Variants in C9orf85 observed in about 807,000 individuals in gnomAD.
The protein encoded by C9orf85 is chromosome 9 open reading frame 85, also known as uncharacterized protein C9orf85.
C9orf85 carries 16 observed loss-of-function variants against 14.9 expected under a neutral mutation model. The ratio of observed to expected loss-of-function variants is 1.08; its 90% CI spans 0.73 to 1.63. C9orf85 has a LOEUF of 1.63. Ranked by LOEUF, C9orf85 falls within the 40% of genes most tolerant of loss-of-function variation. C9orf85 has a pLI of 0.00. For synonymous variants in C9orf85, 45 were observed against 56.8 expected (o/e 0.79, Z 0.93); for missense variants, 172 against 186.1 (o/e 0.92, Z 0.44).
intron 2 of C9orf85, 119 bp from the exon 3 acceptor site, chr9:71,971,386 A>C: frequency 2.0e-6 from 1 of 511,536 alleles, no homozygotes; most frequent in South Asian, 3.8e-5. Context: ...AACACCTGAA[A>C]TTGAAACCTA....
intron 1 of C9orf85, among the ~76,000 whole-genome samples, chr9:71,937,129 T>C (rs1289292411): frequency 6.6e-6 from 1 of 152,176 alleles, no homozygotes; most frequent in Non-Finnish European, 1.5e-5. Flanking sequence ...AAATATTTAT[T>C]TGTTAAAATA....
chr9:71,915,423 C>A (rs934618080), intron 1 of C9orf85, among the ~76,000 whole-genome samples: 1 of 151,934 alleles, frequency 6.6e-6, no homozygotes, highest in Non-Finnish European at 1.5e-5. Context: ...GCGATCTGCC[C>A]ACCTTGGCCT....
chr9:71,927,448 T>C (rs2132267456), intron 1 of C9orf85, among the ~76,000 whole-genome samples: 1 of 152,146 alleles, frequency 6.6e-6, no homozygotes, highest in African/African-American at 2.4e-5. Context: ...AAGAGGTAAA[T>C]CTTTTAGAAG....
At chr9:71,935,777 G>A (rs1828173298) in intron 1 of C9orf85, among the ~76,000 whole-genome samples, 1 of 152,168 alleles carries the variant, frequency 6.6e-6, no homozygotes, top group Non-Finnish European at 1.5e-5. Context: ...AGATTTGGAA[G>A]ATGAAAAGAG....
chr9:71,925,832 A>T (rs1200165183), intron 1 of C9orf85, among the ~76,000 whole-genome samples: 1 of 152,256 alleles, frequency 6.6e-6, no homozygotes, highest in Non-Finnish European at 1.5e-5. Context: ...TAAGATAACT[A>T]AAGATATGGA....
In C9orf85 at chr9:71,914,597, T is replaced by A. The variant is rs577722002; in HGVS notation, c.102+2761T>A. ...ATAATTACAGATGTTTTATTGGAAG[T>A]TAATATAGGTAAAGCACTCATTCTC... On this transcript the variant is annotated intron_variant, in intron 1 of 3. Coordinates refer to ENST00000334731, the MANE Select transcript of C9orf85 (RefSeq NM_182505.5). Among the ~76,000 whole-genome samples the A allele has an allele frequency of 3.8e-3, 582 of 152,288 alleles. 12 individuals are homozygous for A. The highest frequency in any genetic ancestry group is 1.5e-3 in the Non-Finnish European group (103 of 68,016).
chr9:71,912,015 A>T (rs750805817), intron 1 of C9orf85, 179 bp downstream of exon 1: 8 of 670,496 alleles, frequency 1.2e-5, no homozygotes, highest in Admixed American at 2.1e-5. Context: ...TGACCTGGAC[A>T]TGTTGTCTCC....
chr9:71,930,803 C>CAAAAAA (rs747596247), intron 1 of C9orf85, among the ~76,000 whole-genome samples: 2 of 61,014 alleles, frequency 3.3e-5, no homozygotes, highest in Non-Finnish European at 3.1e-5. Flanking sequence ...GACCCTGTCT[C>CAAAAAA]AAAAAAAAAA....
chr9:71,927,574 A>T (rs370685850), intron 1 of C9orf85, among the ~76,000 whole-genome samples: 4 of 152,328 alleles, frequency 2.6e-5, no homozygotes, highest in Middle Eastern at 3.4e-3. Flanking sequence ...AAGAAAAATC[A>T]GTATTGCCAT....
chr9:71,963,368 C>T (rs570081264), intron 2 of C9orf85, among the ~76,000 whole-genome samples: 1 of 152,024 alleles, frequency 6.6e-6, no homozygotes, highest in Non-Finnish European at 1.5e-5. Flanking sequence ...TGAGAGGTGA[C>T]GGCGTGCTGG....
At chr9:71,921,295 G>A (rs1403455391) in intron 1 of C9orf85, among the ~76,000 whole-genome samples, 2 of 152,122 alleles carry the variant, frequency 1.3e-5, no homozygotes, top group African/African-American at 4.8e-5. Context: ...ACATTCACTG[G>A]CTATTCTCTC....
chr9:71,968,436 T>A (rs1020613582), intron 2 of C9orf85, among the ~76,000 whole-genome samples: 3 of 151,530 alleles, frequency 2.0e-5, no homozygotes, highest in South Asian at 2.1e-4. Flanking sequence ...AAAAAAAAAA[T>A]TAGGAGAGTT....
intron 1 of C9orf85, among the ~76,000 whole-genome samples, chr9:71,919,511 T>C (rs1186183067): frequency 6.6e-6 from 1 of 152,250 alleles, no homozygotes; most frequent in Non-Finnish European, 1.5e-5. Flanking sequence ...TATTCTTTGA[T>C]ATGTTTCCCA....
rs1168060197 is a variant in C9orf85 at position 71,973,321 on chromosome 9, AAAC to A, written c.*482_*484del. 2 of 152,312 alleles carry A rather than the reference AAAC, an allele frequency of 1.3e-5. No individual in the cohort carries two copies. The highest frequency in any genetic ancestry group is 4.8e-5 in the African/African-American group (2 of 41,570). The allele number at this position is 152,312 out of a possible 1,614,324, so 9.4% of individuals were successfully genotyped here. A position where few individuals can be genotyped will look rare whatever the true frequency, so the allele number is the denominator to read the frequency against. On this transcript the variant is annotated 3_prime_UTR_variant, in exon 4 of 4. Coordinates refer to ENST00000334731, the MANE Select transcript of C9orf85 (RefSeq NM_182505.5). ...TGTGTATATTACTTAACATCAAACTAAACAAGATTCAGAATTGATGGTTGTATA... is the reference window on the plus strand; with the variant it reads ...TGTGTATATTACTTAACATCAAACTAAAGATTCAGAATTGATGGTTGTATA...
At chr9:71,923,983 T>A (rs1015423120) in intron 1 of C9orf85, among the ~76,000 whole-genome samples, 4 of 152,202 alleles carry the variant, frequency 2.6e-5, no homozygotes, top group African/African-American at 9.6e-5. Flanking sequence ...TGGGGACAGA[T>A]ACAGGTACCC....
At chr9:71,929,926 CAA>C (rs1044119838) in intron 1 of C9orf85, among the ~76,000 whole-genome samples, 6 of 111,212 alleles carry the variant, frequency 5.4e-5, no homozygotes, top group African/African-American at 2.0e-4. Context: ...TGACCTCAAG[CAA>C]ATCTCTTAAT....
chr9:71,965,622 G>A (rs1017083575), intron 2 of C9orf85, among the ~76,000 whole-genome samples: 1 of 152,104 alleles, frequency 6.6e-6, no homozygotes, highest in African/African-American at 2.4e-5. Flanking sequence ...TTGTATAGAT[G>A]GGGTCTCTCT....
At chr9:71,942,494 C>G (rs1821963609) in intron 1 of C9orf85, among the ~76,000 whole-genome samples, 1 of 152,184 alleles carries the variant, frequency 6.6e-6, no homozygotes, top group African/African-American at 2.4e-5. Flanking sequence ...CCTTACTTTT[C>G]TCTCATTCTG....
chr9:71,937,549 T>C (rs781605568), intron 1 of C9orf85, among the ~76,000 whole-genome samples: 9 of 152,210 alleles, frequency 5.9e-5, no homozygotes, highest in Non-Finnish European at 1.3e-4. Flanking sequence ...GAGGGAAATA[T>C]TATTTCTTGA....
Sources: allele counts gnomAD v4.1 joint callset (sites outside exome capture counted in the v4.1 genomes callset), GRCh38; gene constraint gnomAD v4.1.1; transcripts MANE v1.5; gene names NCBI Gene and HGNC (gene_info 2026-07-23, HGNC 2026-07-21).